The following MCTP1 variants were observed in gnomAD, a reference collection of about 807,000 sequenced individuals.
MCTP1 encodes multiple C2 and transmembrane domain containing 1.
MCTP1 carries 69 observed loss-of-function variants against 120.6 expected under a neutral mutation model. That is an observed-to-expected ratio of 0.57 (90% CI 0.47 to 0.70). The LOEUF (loss-of-function observed/expected upper bound fraction) is 0.70. Ranked by LOEUF, MCTP1 falls within the 30% of genes least tolerant of loss-of-function variation. MCTP1 has a pLI of 0.00. For missense variants in MCTP1, 1,203 were observed against 1,248.8 expected, an observed-to-expected ratio of 0.96 and a Z score of 0.55; for synonymous variants, 529 against 493.1, an observed-to-expected ratio of 1.07 and a Z score of -0.96.
intron 1 of MCTP1, among the ~76,000 whole-genome samples, chr5:95,239,387 C>T (rs1478293489): frequency 1.3e-5 from 2 of 152,122 alleles, no homozygotes; most frequent in East Asian, 1.9e-4. Context: ...AAAGCCCTCT[C>T]AAATTTATTT....
Position 94,707,350 on chromosome 5 carries a change from C to T in MCTP1, c.*146G>A. On this transcript the variant is annotated 3_prime_UTR_variant, in exon 23 of 23. Transcript: ENST00000515393. ...GAAGTATATATTCAAAGACATATGCCTTTGTACACTATTTACAGATTCTCT... is the reference window on the plus strand; with the variant it reads ...GAAGTATATATTCAAAGACATATGCTTTTGTACACTATTTACAGATTCTCT... 1.6e-6 allele frequency: 1 copy of T among 635,642 alleles called. No homozygotes were observed. The highest frequency in any genetic ancestry group is 2.8e-6 in the Non-Finnish European group (1 of 362,282). 39.4% of individuals were successfully genotyped at this position (635,642 alleles called of 1,614,324 possible).
chr5:94,999,552 T>C (rs970090387), intron 2 of MCTP1, among the ~76,000 whole-genome samples: 14 of 152,232 alleles, frequency 9.2e-5, no homozygotes, highest in African/African-American at 3.4e-4. Flanking sequence ...GACAGAACTT[T>C]TGTGGGTCCT....
chr5:94,782,770 C>A (rs911556388), intron 18 of MCTP1, among the ~76,000 whole-genome samples: 6 of 152,140 alleles, frequency 3.9e-5, no homozygotes, highest in African/African-American at 1.4e-4. Context: ...TGCCCAAACA[C>A]TTGTGGGCAA....
intron 1 of MCTP1, among the ~76,000 whole-genome samples, chr5:95,204,064 G>A (rs966722868): frequency 1.1e-4 from 16 of 152,010 alleles, no homozygotes; most frequent in African/African-American, 3.9e-4. Flanking sequence ...ACTAGAACAA[G>A]TTGAATGGAA....
chr5:95,277,653 A>C (rs1364456797), intron 1 of MCTP1, among the ~76,000 whole-genome samples: 1 of 152,178 alleles, frequency 6.6e-6, no homozygotes, highest in Non-Finnish European at 1.5e-5. Flanking sequence ...TGGCGAGGCA[A>C]GTGAAGGTGG....
At chr5:94,779,185 GT>G in intron 18 of MCTP1, 22 bp from the exon 19 acceptor site, 2 of 1,608,932 alleles carry the variant, frequency 1.2e-6, no homozygotes, top group South Asian at 1.1e-5. Context: ...AACAGAAGTC[GT>G]TTTTTGTGCT....
chr5:94,929,775 T>C, intron 6 of MCTP1: 1 of 563,750 alleles, frequency 1.8e-6, no homozygotes, highest in Non-Finnish European at 2.2e-6. Flanking sequence ...TGCGCTCTTG[T>C]AACACTAATA....
At chr5:94,802,879 C>G (rs1219654580) in intron 17 of MCTP1, among the ~76,000 whole-genome samples, 1 of 152,158 alleles carries the variant, frequency 6.6e-6, no homozygotes, top group Non-Finnish European at 1.5e-5. Flanking sequence ...AGAGGACCTG[C>G]AGATTTTAGA....
chr5:94,950,535 T>C (rs976619147), intron 3 of MCTP1, among the ~76,000 whole-genome samples: 3 of 152,212 alleles, frequency 2.0e-5, no homozygotes, highest in South Asian at 2.1e-4. Flanking sequence ...ACTGTATATA[T>C]GCAGACTATA....
Position 95,017,394 on chromosome 5 carries a change from G to C in MCTP1, c.811C>G (p.Gln271Glu). 1 of 1,608,808 alleles carries C rather than the reference G, an allele frequency of 6.2e-7. No individual in the cohort carries two copies. The highest frequency in any genetic ancestry group is 2.2e-5 in the East Asian group (1 of 44,676). The change falls in exon 2 of 23, where the codon CAA (glutamine) becomes GAA (glutamate). Residue 271 changes from glutamine (Q) to glutamate (E), a missense_variant. Gln to Glu is a conservative substitution (Grantham distance 29). Around this residue, in one of 2 missense-constraint regions of MCTP1, gnomAD observed 740 missense variants for 871.1 expected, o/e 0.85. Transcript: ENST00000515393. ...YQLDITLRRG[Q>E]SLAARDRGGT... The stretch of plus-strand genomic sequence containing the variant: ...CCTCGATCTCGAGCAGCTAAACTTT[G>C]ACCCCTTCTTAATGTAATGTCCAGC...
chr5:95,284,147 C>G lies in MCTP1; in HGVS notation c.429G>C (p.Ala143=). The G allele has an allele frequency of 1.9e-6, 3 of 1,557,866 alleles. No homozygotes were observed. Among genetic ancestry groups the G allele is most frequent in the Non-Finnish European group, 2.6e-6 (3 of 1,151,530 alleles). ...VKGPAAASGA[A]GGTPPGGRSP... The stretch of plus-strand genomic sequence containing the variant: ...AGCGTCCGCCAGGAGGCGTCCCTCC[C>G]GCTGCTCCCGAGGCCGCCGCGGGCC... The change falls in exon 1 of 23, where the codon GCG becomes GCC. Residue 143 remains alanine (A), a synonymous_variant. Transcript: ENST00000515393. This position sits in a 1 kb window ranked among gnomAD's most constrained non-coding sequence, Gnocchi z 5.2.
intron 12 of MCTP1, among the ~76,000 whole-genome samples, chr5:94,879,930 G>A (rs529570512): frequency 6.6e-6 from 1 of 152,152 alleles, no homozygotes; most frequent in East Asian, 1.9e-4. Context: ...ACAGAATTGT[G>A]TGTAACTAGA....
chr5:94,903,610 C>T (rs920293434), intron 10 of MCTP1, among the ~76,000 whole-genome samples: 3 of 152,078 alleles, frequency 2.0e-5, no homozygotes, highest in Admixed American at 6.5e-5. Flanking sequence ...ATAAGAATTT[C>T]GTTAAAATTA....
At chr5:95,044,804 A>G (rs1169690714) in intron 1 of MCTP1, among the ~76,000 whole-genome samples, 1 of 151,288 alleles carries the variant, frequency 6.6e-6, no homozygotes, top group Non-Finnish European at 1.5e-5. Flanking sequence ...TCTTTTTCCC[A>G]TACCCATCCC....
intron 1 of MCTP1, among the ~76,000 whole-genome samples, chr5:95,191,164 C>T (rs994013808): frequency 1.3e-5 from 2 of 151,768 alleles, no homozygotes; most frequent in Non-Finnish European, 2.9e-5. Context: ...ATCTATCCAC[C>T]GTCATATATA....
At chr5:94,768,968 G>A (rs1773447183) in intron 19 of MCTP1, among the ~76,000 whole-genome samples, 1 of 152,080 alleles carries the variant, frequency 6.6e-6, no homozygotes, top group Non-Finnish European at 1.5e-5. Flanking sequence ...CAATAGACAG[G>A]ATAATAGGAT....
chr5:94,750,506 T>C (rs745424479), intron 19 of MCTP1, among the ~76,000 whole-genome samples: 1 of 152,228 alleles, frequency 6.6e-6, no homozygotes, highest in African/African-American at 2.4e-5. Context: ...TGACTTGCTC[T>C]GACCAATGAA....
At chr5:94,758,342 C>T (rs1025345254) in intron 19 of MCTP1, among the ~76,000 whole-genome samples, 4 of 152,120 alleles carry the variant, frequency 2.6e-5, no homozygotes, top group Admixed American at 6.5e-5. Flanking sequence ...GCCTATAGTC[C>T]TAGCTACTTG....
chr5:95,255,580 T>C (rs1339455502), intron 1 of MCTP1, among the ~76,000 whole-genome samples: 1 of 152,132 alleles, frequency 6.6e-6, no homozygotes, highest in Non-Finnish European at 1.5e-5. Context: ...AGGCGAAGGT[T>C]ACAGGTACTG....
Sources: allele counts gnomAD v4.1 joint callset (sites outside exome capture counted in the v4.1 genomes callset), GRCh38; gene constraint gnomAD v4.1.1; regional missense constraint gnomAD v4.1.1; non-coding constraint Gnocchi (gnomAD v3.1); transcripts MANE v1.5; gene names NCBI Gene and HGNC (gene_info 2026-07-23, HGNC 2026-07-21).